DDX52: variants seen among roughly 807,000 people sequenced by gnomAD.
DDX52 encodes the protein DExD-box helicase 52.
Under a neutral mutation model 76.1 loss-of-function variants are expected in DDX52, and 59 were observed. The observed-to-expected ratio is 0.78, with a 90% CI of 0.63 to 0.96. The LOEUF is 0.96. DDX52 is among the 40% of genes least tolerant of loss of function. The pLI, the probability that DDX52 is intolerant of heterozygous loss-of-function variation, is 0.00. For synonymous variants in DDX52, 231 were observed against 244.1 expected, an observed-to-expected ratio of 0.95 and a Z score of 0.50; for missense variants, 707 against 703.9, an observed-to-expected ratio of 1.00 and a Z score of -0.05.
At chr17:37,630,004 T>C in intron 5 of DDX52, 26 bp downstream of exon 5, 1 of 1,584,800 alleles carries the variant, frequency 6.3e-7, no homozygotes, top group East Asian at 2.2e-5. Flanking sequence ...ACCAATCGCA[T>C]ACTCTTCAAA....
chr17:37,624,755 T>C (rs2030278839), intron 8 of DDX52, among the ~76,000 whole-genome samples: 1 of 152,044 alleles, frequency 6.6e-6, no homozygotes, highest in Non-Finnish European at 1.5e-5. Context: ...ATTTTTAAGG[T>C]TGTTATTACA....
At chr17:37,626,988 AT>A in intron 6 of DDX52, 128 bp from the exon 7 acceptor site, 1 of 674,480 alleles carries the variant, frequency 1.5e-6, no homozygotes, top group Non-Finnish European at 2.6e-6. Flanking sequence ...ACACAAAACT[AT>A]TATATCCCTA....
chr17:37,619,853 CCATAAA>C lies in DDX52; in HGVS notation c.1578-20_1578-15del, dbSNP rs2029991090. ...ACATTAGCAACGCTGAAAAAGAAAC[CCATAAA>C]CATAAACTTGTATCTTTGCTAAATT... On this transcript the variant is annotated splice_polypyrimidine_tract_variant and intron_variant, in intron 12 of 14. Transcript: ENST00000617633. 2.5e-6 allele frequency: 4 copies of C among 1,611,284 alleles called. No homozygotes were observed. Among genetic ancestry groups the C allele is most frequent in the Admixed American group, 1.7e-5 (1 of 59,154 alleles).
chr17:37,627,525 C>T (rs912470423), intron 6 of DDX52, among the ~76,000 whole-genome samples: 5 of 151,962 alleles, frequency 3.3e-5, no homozygotes, highest in Non-Finnish European at 5.9e-5. Context: ...GGATTACAGG[C>T]ATGAGCCACA....
At position 37,611,437 on chromosome 17, in the gene DDX52, C is replaced by T. The variant is rs2147324719; in HGVS notation, c.*2859G>A. 2 of 152,242 alleles carry T rather than the reference C, an allele frequency of 1.3e-5. No homozygotes were observed. The highest frequency in any genetic ancestry group is 2.4e-5 in the African/African-American group (1 of 41,560). 9.4% of individuals were successfully genotyped at this position (152,242 alleles called of 1,614,324 possible). A position where few individuals can be genotyped will look rare whatever the true frequency, so the allele number is the denominator to read the frequency against. On this transcript the variant is annotated 3_prime_UTR_variant, in exon 15 of 15. Coordinates refer to ENST00000617633, the MANE Select transcript of DDX52 (RefSeq NM_007010.5). The stretch of plus-strand genomic sequence containing the variant: ...GGATATAAAGAAATAAAGTATTTTT[C>T]TACAGCTGTACATTTGCATTTTAGG...
In DDX52 at chr17:37,630,173, C is replaced by A. The variant is rs756847486; in HGVS notation, c.604G>T (p.Gly202Cys). The A allele has an allele frequency of 1.2e-6, 2 of 1,603,706 alleles. No individual in the cohort carries two copies. Among genetic ancestry groups the A allele is most frequent in the East Asian group, 2.2e-5 (1 of 44,722 alleles). Residue 202 changes from glycine to cysteine, a missense_variant and splice_region_variant, in exon 5 of 15, where the codon GGT (glycine) becomes TGT (cysteine). Gly to Cys is a radical substitution (Grantham distance 159, BLOSUM62 -3). Transcript: ENST00000617633. Reference sequence around the variant, plus strand: ...GGAGCAGAAGCCAGAAGTTCCCGACCCTAAAAACATAGGGTATATTAAATA... The same window carrying A: ...GGAGCAGAAGCCAGAAGTTCCCGACACTAAAAACATAGGGTATATTAAATA... ...QMQAIPVMLHGRELLASAPTG... is the reference protein window; with the variant it reads ...QMQAIPVMLHCRELLASAPTG...
At chr17:37,623,392 T>G (rs1307315792) in intron 9 of DDX52, among the ~76,000 whole-genome samples, 1 of 152,076 alleles carries the variant, frequency 6.6e-6, no homozygotes, top group Non-Finnish European at 1.5e-5. Flanking sequence ...GCCACCGCAC[T>G]CCAGCCTGGG....
chr17:37,616,612 G>A lies in DDX52; in HGVS notation c.1742+1680C>T, dbSNP rs1274899836. 2.7e-5 allele frequency among the ~76,000 whole-genome samples: 4 copies of A among 150,910 alleles called. No homozygotes were observed. In the South Asian group the frequency reaches 6.3e-4, roughly 24 times the overall value. On this transcript the variant is annotated intron_variant, in intron 14 of 14. Transcript: ENST00000617633. ...GGAGGTTGCAGTGAGCCGAGATTGC[G>A]ACACTGCACTCCAGCCTGGGCGACA...
At chr17:37,643,071 T>G (rs1051923738) in intron 1 of DDX52, 5 of 364,510 alleles carry the variant, frequency 1.4e-5, no homozygotes, top group African/African-American at 1.0e-4. Flanking sequence ...GATTCCAACT[T>G]TGCTTTGAAT....
chr17:37,639,269 G>T (rs986446981), intron 2 of DDX52, among the ~76,000 whole-genome samples: 3 of 152,052 alleles, frequency 2.0e-5, no homozygotes, highest in African/African-American at 7.2e-5. Context: ...TACAATAAGG[G>T]TACAACGTAC....
rs144011970 is a variant in DDX52 at position 37,621,384 on chromosome 17, A to G, written c.1350+14T>C. 71 of 1,607,982 alleles carry G rather than the reference A, an allele frequency of 4.4e-5. No homozygotes were observed. In the Middle Eastern group the frequency reaches 5.0e-4, roughly 11 times the overall value. ...GTAGTTCTTCTGAGTTTCAAAGTAT[A>G]TATTTGACTTTACCTGTTGTTGTGT... On this transcript the variant is annotated intron_variant, in intron 10 of 14. Transcript: ENST00000617633.
intron 2 of DDX52, among the ~76,000 whole-genome samples, chr17:37,640,350 T>G (rs536152065): frequency 6.6e-6 from 1 of 152,106 alleles, no homozygotes; most frequent in African/African-American, 2.4e-5. Context: ...CCAAACAACC[T>G]CCAAGATACA....
chr17:37,619,727 CAA>C (rs1365998720), intron 13 of DDX52, 39 bp downstream of exon 13: 2 of 1,527,690 alleles, frequency 1.3e-6, no homozygotes, highest in Admixed American at 3.9e-5. Context: ...AATGTATATA[CAA>C]AGAGACAGAC....
chr17:37,641,149 A>AGGAGGCGGAGGC, intron 2 of DDX52, among the ~76,000 whole-genome samples: 1 of 151,858 alleles, frequency 6.6e-6, no homozygotes, highest in South Asian at 2.1e-4. Context: ...CCAGCACTTT[A>AGGAGGCGGAGGC]GGAGGCGGAG....
At chr17:37,618,447 C>G (rs1048223712) in intron 13 of DDX52, 63 bp from the exon 14 acceptor site, 61 of 1,355,422 alleles carry the variant, frequency 4.5e-5, no homozygotes, top group Non-Finnish European at 5.8e-5. Flanking sequence ...AGAGTTAAAG[C>G]TAAAATTAGT....
chr17:37,622,596 G>C (rs1211593795), intron 9 of DDX52, among the ~76,000 whole-genome samples: 4 of 152,114 alleles, frequency 2.6e-5, no homozygotes, highest in Non-Finnish European at 4.4e-5. Flanking sequence ...GCCTGGCCGA[G>C]TTTCTTAGCC....
chr17:37,619,105 G>A (rs540946094), intron 13 of DDX52, among the ~76,000 whole-genome samples: 1 of 152,306 alleles, frequency 6.6e-6, no homozygotes, highest in African/African-American at 2.4e-5. Context: ...AAGCCTAGGT[G>A]CAGTAGCTCA....
chr17:37,624,380 G>C lies in DDX52; in HGVS notation c.1191C>G (p.Thr397=). The change falls in exon 9 of 15, where the codon ACC becomes ACG. Residue 397 remains threonine, a synonymous_variant. Coordinates refer to ENST00000617633, the MANE Select transcript of DDX52 (RefSeq NM_007010.5). ...EQELLFVGSE[T]GKLLAVRELV... is the part of the protein sequence containing the mutation. ...GTTCTCTCACGGCCAGAAGTTTTCC[G>C]GTCTCAGATCCAACAAAGAGAAGCT... The C allele has an allele frequency of 6.2e-7, 1 of 1,607,350 alleles. No individual in the cohort carries two copies. Among genetic ancestry groups the C allele is most frequent in the South Asian group, 1.1e-5 (1 of 90,198 alleles).
intron 12 of DDX52, 121 bp downstream of exon 12, chr17:37,620,748 CAACT>C (rs1489240490): frequency 2.1e-6 from 2 of 953,434 alleles, no homozygotes; most frequent in Non-Finnish European, 2.9e-6. Context: ...AAAATTTGGT[CAACT>C]AACACCATTA....
Sources: gnomAD v4.1 joint callset for allele counts (sites outside exome capture counted in the v4.1 genomes callset) on GRCh38, gnomAD v4.1.1 for gene constraint, MANE v1.5 for transcripts, NCBI Gene and HGNC (gene_info 2026-07-23, HGNC 2026-07-21) for gene names.